ZNF774: variants seen among roughly 807,000 people sequenced by gnomAD.
ZNF774 encodes the protein zinc finger protein 774.
In ZNF774, 14 loss-of-function variants were observed where a neutral mutation model predicts 11.1. That is an observed-to-expected ratio of 1.26 (90% CI 0.83 to 1.97). The LOEUF (loss-of-function observed/expected upper bound fraction) is 1.97. ZNF774 is among the 30% of genes most tolerant of loss of function. The pLI, the probability that ZNF774 is intolerant of heterozygous loss-of-function variation, is 0.00. For synonymous variants in ZNF774, 195 were observed against 212.6 expected (o/e 0.92, Z 0.72); for missense variants, 599 against 587.0 (o/e 1.02, Z -0.21).
Position 90,354,900 on chromosome 15 carries a change from T to G in ZNF774, c.104+136T>G, listed in dbSNP as rs1332360048. 12 of 732,396 alleles carry G rather than the reference T, an allele frequency of 1.6e-5. No individual in the cohort carries two copies. The South Asian group carries it at 1.8e-4, about 11-fold the overall frequency. The allele number at this position is 732,396 out of a possible 1,614,324, so 45.4% of individuals were successfully genotyped here. A position where few individuals can be genotyped will look rare whatever the true frequency, so the allele number is the denominator to read the frequency against. ...ATCTGTGCCTCCTGGGCTCAAGCGA[T>G]TCTCCCACCTCAACCTCCTGAGTAG... On this transcript the variant is annotated intron_variant, in intron 2 of 3. Coordinates refer to ENST00000354377, the MANE Select transcript of ZNF774 (RefSeq NM_001004309.3).
Position 90,362,325 on chromosome 15 carries a change from G to T in ZNF774, c.*1042G>T. The stretch of plus-strand genomic sequence containing the variant: ...GTGTATGGCAGTGTATCTACCAGAG[G>T]TTTGCTGTCATCTGACACAGAGAAA... On this transcript the variant is annotated 3_prime_UTR_variant, in exon 4 of 4. Coordinates refer to ENST00000354377, the MANE Select transcript of ZNF774 (RefSeq NM_001004309.3). 1.9e-6 allele frequency: 1 copy of T among 536,098 alleles called. No homozygotes were observed. Among genetic ancestry groups the T allele is most frequent in the South Asian group, 2.4e-5 (1 of 42,298 alleles). The allele number at this position is 536,098 out of a possible 1,614,324, so 33.2% of individuals were successfully genotyped here.
intron 2 of ZNF774, among the ~76,000 whole-genome samples, chr15:90,357,136 A>G (rs1322000273): frequency 1.3e-5 from 2 of 152,204 alleles, no homozygotes; most frequent in African/African-American, 4.8e-5. Context: ...GATTGAATCA[A>G]TTGATTTATT....
chr15:90,360,118 G>C lies in ZNF774; in HGVS notation c.287G>C (p.Arg96Thr). Residue 96 changes from arginine (R) to threonine (T), a missense_variant, in exon 4 of 4, where the codon AGG becomes ACG. Transcript: ENST00000354377. ...TAEQCGTSSE[R>T]TNKDLSHTLS... ...GAACAATGTGGAACATCCTCAGAAA[G>C]GACCAATAAAGATCTTTCTCATACT... The C allele has an allele frequency of 6.2e-7, 1 of 1,614,172 alleles. No individual in the cohort carries two copies. The highest frequency in any genetic ancestry group is 1.1e-5 in the South Asian group (1 of 91,084).
chr15:90,358,859 G>A lies in ZNF774; in HGVS notation c.113G>A (p.Arg38Lys). Residue 38 changes from arginine to lysine, a missense_variant, in exon 3 of 4, where the codon AGG becomes AAG. Arg to Lys is a conservative substitution (Grantham distance 26, BLOSUM62 2). Coordinates refer to ENST00000354377, the MANE Select transcript of ZNF774 (RefSeq NM_001004309.3). The stretch of plus-strand genomic sequence containing the variant: ...TTTACATTCCTGTGTAGAATTTCCA[G>A]GCCTAGTGTAATCTCCCAGCCGGAG... The part of the protein sequence containing the change: ...LEEWALKGIS[R>K]PSVISQPEQK... 1 of 1,612,762 alleles carries A rather than the reference G, an allele frequency of 6.2e-7. No homozygotes were observed. The highest frequency in any genetic ancestry group is 1.1e-5 in the South Asian group (1 of 91,064).
chr15:90,360,696 A>G lies in ZNF774; in HGVS notation c.865A>G (p.Lys289Glu). The G allele has an allele frequency of 1.9e-6, 3 of 1,614,236 alleles. No individual in the cohort carries two copies. The African/African-American group carries it at 4.0e-5, about 22-fold the overall frequency. ...ITHQRTHTGV[K>E]PYRCNDCGES... ...TCACCAGAGGACCCACACAGGGGTG[A>G]AGCCTTACAGGTGTAATGACTGTGG... The change falls in exon 4 of 4, where the codon AAG becomes GAG. Residue 289 changes from lysine to glutamate, a missense_variant. Physicochemically the swap from Lys to Glu is moderately conservative, Grantham distance 56. Coordinates refer to ENST00000354377, the MANE Select transcript of ZNF774 (RefSeq NM_001004309.3).
In ZNF774 at chr15:90,360,797, G is replaced by A. The variant is rs201437425; in HGVS notation, c.966G>A (p.Pro322=). 60 of 1,614,072 alleles carry A rather than the reference G, an allele frequency of 3.7e-5. No individual in the cohort carries two copies. The highest frequency in any genetic ancestry group is 1.3e-4 in the African/African-American group (10 of 74,992). ...CGGGAGAACGGCCCTTCAAATGCCC[G>A]GAGTGCGGGAAGGGCTTCAGAGATA... is the stretch of plus-strand genomic sequence containing the variant. ...THTGERPFKC[P]ECGKGFRDSS... Residue 322 remains proline (P), a synonymous_variant, in exon 4 of 4, where the codon CCG becomes CCA. Coordinates refer to ENST00000354377, the MANE Select transcript of ZNF774 (RefSeq NM_001004309.3).
chr15:90,353,194 T>C (rs1964197773), intron 1 of ZNF774, among the ~76,000 whole-genome samples: 1 of 152,248 alleles, frequency 6.6e-6, no homozygotes, highest in African/African-American at 2.4e-5. Flanking sequence ...CTCGAACTCC[T>C]GACCCCAGGT....
Position 90,362,620 on chromosome 15 carries a change from G to T in ZNF774, c.*1337G>T, listed in dbSNP as rs1483524156. The T allele has an allele frequency of 2.6e-6, 4 of 1,516,834 alleles. No individual in the cohort carries two copies. The highest frequency in any genetic ancestry group is 1.8e-6 in the Non-Finnish European group (2 of 1,129,492). 94.0% of individuals were successfully genotyped at this position (1,516,834 alleles called of 1,614,324 possible). A position where few individuals can be genotyped will look rare whatever the true frequency, so the allele number is the denominator to read the frequency against. On this transcript the variant is annotated 3_prime_UTR_variant, in exon 4 of 4. Transcript: ENST00000354377. ...TGAGGGACGGCAAGTGTGTTGGAAA[G>T]AACACCGACTTCATTGAGAAGGTAA...
chr15:90,360,293 A>G lies in ZNF774; in HGVS notation c.462A>G (p.Ala154=), dbSNP rs1311720905. 6.2e-7 allele frequency: 1 copy of G among 1,614,252 alleles called. No homozygotes were observed. The highest frequency in any genetic ancestry group is 1.7e-5 in the Admixed American group (1 of 60,020). Residue 154 remains alanine (A), a synonymous_variant, in exon 4 of 4, where the codon GCA becomes GCG. Coordinates refer to ENST00000354377, the MANE Select transcript of ZNF774 (RefSeq NM_001004309.3). ...DGYVGEKPMC[A]ECGKSFNQSS... is the part of the protein sequence containing the mutation. ...ATGTAGGAGAGAAGCCTATGTGTGC[A>G]GAATGCGGGAAAAGCTTTAACCAGA...
At chr15:90,352,736 C>G (rs1964190401) in intron 1 of ZNF774, among the ~76,000 whole-genome samples, 1 of 151,728 alleles carries the variant, frequency 6.6e-6, no homozygotes, top group African/African-American at 2.4e-5. Flanking sequence ...CAGTCATGTT[C>G]CTATTAATAA....
intron 1 of ZNF774, among the ~76,000 whole-genome samples, chr15:90,353,005 T>C (rs1964194794): frequency 6.6e-6 from 1 of 152,108 alleles, no homozygotes; most frequent in South Asian, 2.1e-4. Context: ...TTCGCTCTTG[T>C]TGCCCAGGCT....
At chr15:90,356,178 G>T (rs532749498) in intron 2 of ZNF774, among the ~76,000 whole-genome samples, 6 of 148,840 alleles carry the variant, frequency 4.0e-5, no homozygotes, top group African/African-American at 1.5e-4. Context: ...GAGTGCCATG[G>T]CATGATCTCG....
Position 90,360,269 on chromosome 15 carries a change from T to G in ZNF774, c.438T>G (p.Tyr146Ter), listed in dbSNP as rs766543491. Residue 146 changes from tyrosine to a stop codon, truncating the protein, a stop_gained, in exon 4 of 4, where the codon TAT (tyrosine) becomes TAG (stop). Coordinates refer to ENST00000354377, the MANE Select transcript of ZNF774 (RefSeq NM_001004309.3). LOFTEE classifies it low-confidence loss of function (END_TRUNC). ...ATTTAAACAAGCTCCTGGATGGATA[T>G]GTAGGAGAGAAGCCTATGTGTGCAG... ...ERDLNKLLDGYVGEKPMCAEC... is the reference protein window; with the variant it reads ...ERDLNKLLDG 1.2e-6 allele frequency: 2 copies of G among 1,614,196 alleles called. No individual in the cohort carries two copies. Among genetic ancestry groups the G allele is most frequent in the East Asian group, 2.2e-5 (1 of 44,884 alleles).
chr15:90,362,494 G>T lies in ZNF774; in HGVS notation c.*1211G>T. 6.7e-7 allele frequency: 1 copy of T among 1,501,384 alleles called. No homozygotes were observed. The highest frequency in any genetic ancestry group is 9.0e-7 in the Non-Finnish European group (1 of 1,115,940). The allele number at this position is 1,501,384 out of a possible 1,614,324, so 93.0% of individuals were successfully genotyped here. A position where few individuals can be genotyped will look rare whatever the true frequency, so the allele number is the denominator to read the frequency against. On this transcript the variant is annotated 3_prime_UTR_variant, in exon 4 of 4. Transcript: ENST00000354377. Reference sequence around the variant, plus strand: ...AGCAACTCTTGTTTTCTAATTTGCTGGGTCATTGGCCATTTAGTTTTAGGT... The same window carrying T: ...AGCAACTCTTGTTTTCTAATTTGCTTGGTCATTGGCCATTTAGTTTTAGGT...
Position 90,361,099 on chromosome 15 carries a change from G to C in ZNF774, c.1268G>C (p.Arg423Pro). 1 of 1,614,172 alleles carries C rather than the reference G, an allele frequency of 6.2e-7. No individual in the cohort carries two copies. The highest frequency in any genetic ancestry group is 8.5e-7 in the Non-Finnish European group (1 of 1,180,032). ...NQSSHFITHQ[R>P]IHLGDRPYRC... ...AGCTCCCACTTTATTACCCATCAGC[G>C]AATCCACTTAGGAGACAGGCCCTAT... is the stretch of plus-strand genomic sequence containing the variant. Residue 423 changes from arginine to proline, a missense_variant, in exon 4 of 4, where the codon CGA (arginine) becomes CCA (proline). Physicochemically the swap from Arg to Pro is moderately radical, Grantham distance 103 (BLOSUM62 -2). Transcript: ENST00000354377.
At position 90,361,498 on chromosome 15, in the gene ZNF774, C is replaced by G. The variant is rs1284870843; in HGVS notation, c.*215C>G. 2 of 1,329,070 alleles carry G rather than the reference C, an allele frequency of 1.5e-6. No homozygotes were observed. The highest frequency in any genetic ancestry group is 2.8e-5 in the East Asian group (1 of 35,118). 82.3% of individuals were successfully genotyped at this position (1,329,070 alleles called of 1,614,324 possible). On this transcript the variant is annotated 3_prime_UTR_variant, in exon 4 of 4. Transcript: ENST00000354377. ...GCATTCCTTCAGTGTGTGACTGACT[C>G]TTAGGGAAATGTGAGTTTAATAGTT...
intron 2 of ZNF774, among the ~76,000 whole-genome samples, chr15:90,358,448 CT>C (rs1261067975): frequency 6.6e-6 from 1 of 152,168 alleles, no homozygotes; most frequent in Non-Finnish European, 1.5e-5. Flanking sequence ...GCTTTTTTGA[CT>C]GCTGCCATTC....
chr15:90,354,228 C>G (rs1233843144), intron 1 of ZNF774, among the ~76,000 whole-genome samples: 5 of 152,162 alleles, frequency 3.3e-5, no homozygotes, highest in Admixed American at 6.5e-5. Context: ...GCTCCCATAA[C>G]TAATATGAGT....
At chr15:90,358,712 C>T (rs1964280677) in intron 2 of ZNF774, 139 bp from the exon 3 acceptor site, 2 of 535,700 alleles carry the variant, frequency 3.7e-6, no homozygotes, top group African/African-American at 2.0e-5. Context: ...ACCATGGCTG[C>T]ACTTTTTTAA....
Sources: gnomAD v4.1 joint callset for allele counts (sites outside exome capture counted in the v4.1 genomes callset) on GRCh38, gnomAD v4.1.1 for gene constraint, MANE v1.5 for transcripts, NCBI Gene and HGNC (gene_info 2026-07-23, HGNC 2026-07-21) for gene names.